DYM: variants seen among roughly 807,000 people sequenced by gnomAD.
DYM encodes the protein dymeclin.
Under a neutral mutation model 93.1 loss-of-function variants are expected in DYM, and 78 were observed. The ratio of observed to expected loss-of-function variants is 0.84; its 90% CI spans 0.70 to 1.01. The LOEUF (loss-of-function observed/expected upper bound fraction) is 1.01, where lower values mean the gene tolerates loss of function less well. DYM is among the 50% of genes least tolerant of loss of function. The pLI, the probability that DYM is intolerant of heterozygous loss-of-function variation, is 0.00. For synonymous variants in DYM, 321 were observed against 319.7 expected (o/e 1.00, Z -0.04); for missense variants, 789 against 845.0 (o/e 0.93, Z 0.82).
At position 49,199,881 on chromosome 18, in the gene DYM, C is replaced by T. The variant is rs186117325; in HGVS notation, c.1625+9670G>A. ...TTAAAGCACAGTATAAAAGACATGA[C>T]AAATGGGTAAAAGTATTCCTAAATT... On this transcript the variant is annotated intron_variant, in intron 14 of 17. Coordinates refer to ENST00000675505, the MANE Select transcript of DYM (RefSeq NM_001353214.3). 8.0e-5 allele frequency among the ~76,000 whole-genome samples: 12 copies of T among 150,932 alleles called. No individual in the cohort carries two copies. The East Asian group carries it at 2.3e-3, about 29-fold the overall frequency.
At chr18:49,197,625 T>C (rs2091590107) in intron 14 of DYM, among the ~76,000 whole-genome samples, 2 of 152,310 alleles carry the variant, frequency 1.3e-5, no homozygotes, top group South Asian at 4.1e-4. Flanking sequence ...GAACTCCCAT[T>C]CACAATTGCT....
chr18:49,392,682 A>T (rs1445041553), intron 2 of DYM, among the ~76,000 whole-genome samples: 16 of 6,196 alleles, frequency 2.6e-3, no homozygotes, highest in Admixed American at 5.7e-3. Context: ...GCTTTTATTT[A>T]AAAAAAAAAA....
intron 2 of DYM, among the ~76,000 whole-genome samples, chr18:49,402,859 G>A (rs142974878): frequency 6.6e-6 from 1 of 152,276 alleles, no homozygotes; most frequent in African/African-American, 2.4e-5. Flanking sequence ...TGGTATAATG[G>A]AAAGCGATCG....
chr18:49,381,852 C>T (rs1018318426), intron 3 of DYM, among the ~76,000 whole-genome samples: 1 of 151,828 alleles, frequency 6.6e-6, no homozygotes, highest in African/African-American at 2.4e-5. Context: ...ATGTCCTATT[C>T]CTCTTTAAAG....
At chr18:49,060,036 G>T (rs2144615343) in intron 17 of DYM, among the ~76,000 whole-genome samples, 1 of 152,208 alleles carries the variant, frequency 6.6e-6, no homozygotes, top group South Asian at 2.1e-4. Context: ...ATGAAATATG[G>T]TCCCTGCCCT....
chr18:49,266,978 G>A (rs2094580729), intron 11 of DYM, among the ~76,000 whole-genome samples: 1 of 151,818 alleles, frequency 6.6e-6, no homozygotes, highest in African/African-American at 2.4e-5. Flanking sequence ...GGCAAATTGA[G>A]GCTCAAGTAA....
At chr18:49,421,711 T>G (rs1016087922) in intron 2 of DYM, among the ~76,000 whole-genome samples, 3 of 152,182 alleles carry the variant, frequency 2.0e-5, no homozygotes, top group African/African-American at 7.2e-5. Flanking sequence ...TTCTCCGAGC[T>G]AAAGGAGGAT....
At chr18:49,204,421 C>A (rs751151229) in intron 14 of DYM, among the ~76,000 whole-genome samples, 2 of 152,156 alleles carry the variant, frequency 1.3e-5, no homozygotes, top group Non-Finnish European at 2.9e-5. Context: ...TTTTCCTTGC[C>A]TCAGGCCTAA....
chr18:49,432,930 GC>G (rs1163320131), intron 1 of DYM, among the ~76,000 whole-genome samples: 3 of 152,088 alleles, frequency 2.0e-5, no homozygotes, highest in Non-Finnish European at 4.4e-5. Flanking sequence ...GAAATCTATA[GC>G]TTTTCAAGCT....
At position 49,416,576 on chromosome 18, in the gene DYM, A is replaced by C. The variant is rs149725816; in HGVS notation, c.140+13679T>G. 2.4e-3 allele frequency among the ~76,000 whole-genome samples: 367 copies of C among 152,360 alleles called. 1 individual carries two copies. The highest frequency in any genetic ancestry group is 8.3e-3 in the African/African-American group (344 of 41,590). On this transcript the variant is annotated intron_variant, in intron 2 of 17. Coordinates refer to ENST00000675505, the MANE Select transcript of DYM (RefSeq NM_001353214.3). ...AACAAAAGAACTTTTTAAAGATATT[A>C]TTCTCTATACTGCTGTTAGCTGGTT... is the stretch of plus-strand genomic sequence containing the variant.
At chr18:49,080,760 C>T (rs1448227822) in intron 17 of DYM, among the ~76,000 whole-genome samples, 4 of 144,018 alleles carry the variant, frequency 2.8e-5, no homozygotes, top group East Asian at 4.4e-4. Context: ...CAGCTCCGGG[C>T]GGAGGGGCTC....
chr18:49,162,551 C>T (rs995433447), intron 15 of DYM, among the ~76,000 whole-genome samples: 9 of 152,210 alleles, frequency 5.9e-5, no homozygotes, highest in Non-Finnish European at 1.2e-4. Context: ...GGGATCCAAT[C>T]ACCTATTCAA....
At chr18:49,392,253 A>G (rs1001849701) in intron 2 of DYM, among the ~76,000 whole-genome samples, 2 of 152,204 alleles carry the variant, frequency 1.3e-5, no homozygotes, top group African/African-American at 4.8e-5. Context: ...AATAAAGCTT[A>G]GAAGAAAATA....
At chr18:49,098,958 G>A (rs2145588362) in intron 16 of DYM, among the ~76,000 whole-genome samples, 1 of 152,246 alleles carries the variant, frequency 6.6e-6, no homozygotes, top group Admixed American at 6.5e-5. Flanking sequence ...TTCACAGGTT[G>A]TAAACTGAGC....
chr18:49,424,353 C>T (rs2074045990), intron 2 of DYM, among the ~76,000 whole-genome samples: 1 of 152,110 alleles, frequency 6.6e-6, no homozygotes, highest in Non-Finnish European at 1.5e-5. Flanking sequence ...AACAGCCCTT[C>T]ATGCTAAAAA....
chr18:49,080,686 A>T (rs1458169271), intron 17 of DYM, among the ~76,000 whole-genome samples: 2 of 127,322 alleles, frequency 1.6e-5, no homozygotes, highest in African/African-American at 3.0e-5. Context: ...CCGGGCAGAG[A>T]CGCTCCTCAC....
At chr18:49,113,838 T>G (rs1472097478) in intron 16 of DYM, among the ~76,000 whole-genome samples, 1 of 152,216 alleles carries the variant, frequency 6.6e-6, no homozygotes, top group African/African-American at 2.4e-5. Flanking sequence ...TTAAATGAAT[T>G]TCCAGTGTGC....
chr18:49,400,988 G>A (rs1399109098), intron 2 of DYM, among the ~76,000 whole-genome samples: 1 of 152,166 alleles, frequency 6.6e-6, no homozygotes, highest in African/African-American at 2.4e-5. Context: ...AAATATGCCA[G>A]TGTTTCCAAG....
rs1259118831 is a variant in DYM at position 49,040,558 on chromosome 18, C to A, written c.*3497G>T. Among the ~76,000 whole-genome samples, 1 of 152,154 alleles carries A rather than the reference C, an allele frequency of 6.6e-6. No individual in the cohort carries two copies. Among genetic ancestry groups the A allele is most frequent in the Non-Finnish European group, 1.5e-5 (1 of 68,022 alleles). ...TCTTCATCACTGAATAGAAACTGAC[C>A]TCTTTGACTCCAGGAGGTGATGTAG... is the stretch of plus-strand genomic sequence containing the variant. On this transcript the variant is annotated 3_prime_UTR_variant, in exon 18 of 18. Coordinates refer to ENST00000675505, the MANE Select transcript of DYM (RefSeq NM_001353214.3).
Sources: gnomAD v4.1 joint callset for allele counts (sites outside exome capture counted in the v4.1 genomes callset) on GRCh38, gnomAD v4.1.1 for gene constraint, MANE v1.5 for transcripts, NCBI Gene and HGNC (gene_info 2026-07-23, HGNC 2026-07-21) for gene names.